The following SMYD3 variants were observed in gnomAD, a reference collection of about 807,000 sequenced individuals.
The protein encoded by SMYD3 is SET and MYND domain containing 3, also known as histone-lysine N-methyltransferase SMYD3.
SMYD3 carries 36 observed loss-of-function variants against 57.7 expected under a neutral mutation model. The observed-to-expected ratio is 0.62, with a 90% CI of 0.48 to 0.82. SMYD3 has a LOEUF of 0.82. Ranked by LOEUF, SMYD3 falls within the 40% of genes least tolerant of loss-of-function variation. SMYD3 has a pLI of 0.00. For synonymous variants in SMYD3, 211 were observed against 195.0 expected (o/e 1.08, Z -0.68); for missense variants, 515 against 538.8 (o/e 0.96, Z 0.44).
chr1:245,948,387 G>A (rs953437475), intron 5 of SMYD3, among the ~76,000 whole-genome samples: 3 of 152,166 alleles, frequency 2.0e-5, no homozygotes, highest in Non-Finnish European at 2.9e-5. Flanking sequence ...GGACCCTGAA[G>A]AGGCTCCCCA....
intron 5 of SMYD3, among the ~76,000 whole-genome samples, chr1:246,071,324 G>A (rs553670062): frequency 1.3e-5 from 2 of 152,318 alleles, no homozygotes; most frequent in South Asian, 2.1e-4. Context: ...TTCTAGGAAG[G>A]AGGGTAGGAC....
chr1:246,406,905 G>C (rs1269409293), intron 1 of SMYD3, among the ~76,000 whole-genome samples: 1 of 152,184 alleles, frequency 6.6e-6, no homozygotes, highest in Non-Finnish European at 1.5e-5. Context: ...TATTATTATA[G>C]TTTATTTAAT....
chr1:246,371,927 T>C (rs2066199589), intron 1 of SMYD3, among the ~76,000 whole-genome samples: 1 of 152,374 alleles, frequency 6.6e-6, no homozygotes, highest in African/African-American at 2.4e-5. Context: ...CAATTATGTA[T>C]AATACTTTGT....
intron 2 of SMYD3, among the ~76,000 whole-genome samples, chr1:246,345,011 G>C (rs1006700116): frequency 1.3e-5 from 2 of 152,202 alleles, no homozygotes; most frequent in Admixed American, 6.5e-5. Context: ...CAGGGGGAAA[G>C]AGAGGTCTCA....
rs746219350 is a variant in SMYD3 at position 246,355,057 on chromosome 1, C to T, written c.202G>A (p.Ala68Thr). The T allele has an allele frequency of 1.1e-5, 17 of 1,613,920 alleles. No homozygotes were observed. Among genetic ancestry groups the T allele is most frequent in the Middle Eastern group, 1.6e-4 (1 of 6,084 alleles). ...TGACACTTAGCACTACAGTATTTGG[C>T]GACGCGGCACTGAGAGCATCGCATC... ...KLMRCSQCRV[A>T]KYCSAKCQKK... The change falls in exon 2 of 12, where the codon GCC becomes ACC. Residue 68 changes from alanine (A) to threonine (T), a missense_variant. Transcript: ENST00000490107. This position sits in a 1 kb window ranked among gnomAD's most constrained non-coding sequence, Gnocchi z 5.0.
chr1:245,916,639 A>G (rs2055443679), intron 7 of SMYD3, among the ~76,000 whole-genome samples: 1 of 151,988 alleles, frequency 6.6e-6, no homozygotes. Flanking sequence ...CCCAGAATCA[A>G]CCACTTTTTA....
At chr1:245,782,531 G>A (rs2046874409) in intron 10 of SMYD3, among the ~76,000 whole-genome samples, 1 of 152,204 alleles carries the variant, frequency 6.6e-6, no homozygotes, top group African/African-American at 2.4e-5. Context: ...ATGGTCCTGA[G>A]AAGCTGCTGG....
chr1:246,260,878 T>C (rs1022251700), intron 5 of SMYD3, among the ~76,000 whole-genome samples: 9 of 152,138 alleles, frequency 5.9e-5, no homozygotes, highest in Non-Finnish European at 8.8e-5. Context: ...AAATCTTTGT[T>C]GAGAGAGAAA....
In SMYD3 at chr1:246,363,799, T is replaced by C. The variant is rs34335414; in HGVS notation, c.165-8705A>G. ...ACAAACACTGCGGAAGGCCGCAGGGTCCTCTGCCTAGGAAAACCAGAGACC... is the reference window on the plus strand; with the variant it reads ...ACAAACACTGCGGAAGGCCGCAGGGCCCTCTGCCTAGGAAAACCAGAGACC... On this transcript the variant is annotated intron_variant, in intron 1 of 11. Coordinates refer to ENST00000490107, the MANE Select transcript of SMYD3 (RefSeq NM_001167740.2). 3.8e-3 allele frequency among the ~76,000 whole-genome samples: 576 copies of C among 151,954 alleles called. 6 individuals are homozygous for C. The highest frequency in any genetic ancestry group is 2.8e-3 in the Non-Finnish European group (187 of 67,916).
At chr1:246,361,033 T>C (rs1023519130) in intron 1 of SMYD3, among the ~76,000 whole-genome samples, 1 of 151,920 alleles carries the variant, frequency 6.6e-6, no homozygotes, top group East Asian at 1.9e-4. Flanking sequence ...TGGGAGAAAA[T>C]CTTCACAATC....
intron 5 of SMYD3, among the ~76,000 whole-genome samples, chr1:246,204,018 G>C (rs914933537): frequency 6.6e-6 from 1 of 152,172 alleles, no homozygotes; most frequent in Non-Finnish European, 1.5e-5. Flanking sequence ...CCTGCTAAAG[G>C]TGGAGATCAC....
At chr1:246,239,347 G>A (rs1435109452) in intron 5 of SMYD3, among the ~76,000 whole-genome samples, 1 of 152,096 alleles carries the variant, frequency 6.6e-6, no homozygotes, top group African/African-American at 2.4e-5. Flanking sequence ...AACATGTGGT[G>A]TTTGATTTTC....
At chr1:246,395,665 C>CCACCATGGCTGGACAGGGAAGACGAACA (rs1558442865) in intron 1 of SMYD3, among the ~76,000 whole-genome samples, 1 of 81,628 alleles carries the variant, frequency 1.2e-5, no homozygotes, top group African/African-American at 4.0e-5. Context: ...GAAGACGAAC[C>CCACCATGGCTGGACAGGGAAGACGAACA]CACCACAGTC....
At chr1:246,307,494 A>C (rs892842532) in intron 5 of SMYD3, among the ~76,000 whole-genome samples, 43 of 134,218 alleles carry the variant, frequency 3.2e-4, no homozygotes, top group African/African-American at 1.1e-3. Context: ...ATCTCGGCTC[A>C]CTGCAAGCTC....
intron 5 of SMYD3, among the ~76,000 whole-genome samples, chr1:246,005,504 G>A (rs1176524261): frequency 6.6e-6 from 1 of 152,150 alleles, no homozygotes; most frequent in Non-Finnish European, 1.5e-5. Flanking sequence ...TCTCTATAAA[G>A]GGCTACCCAT....
chr1:245,798,320 C>T (rs1247770026), intron 10 of SMYD3, among the ~76,000 whole-genome samples: 5 of 47,894 alleles, frequency 1.0e-4, no homozygotes, highest in Non-Finnish European at 2.4e-4. Flanking sequence ...AGAGCGGCCC[C>T]GGCCCATGGG....
chr1:246,237,769 C>T (rs1053447202), intron 5 of SMYD3, among the ~76,000 whole-genome samples: 10 of 152,098 alleles, frequency 6.6e-5, no homozygotes, highest in African/African-American at 2.2e-4. Context: ...CCATGCCATC[C>T]GTATCGTACT....
intron 1 of SMYD3, among the ~76,000 whole-genome samples, chr1:246,456,656 T>C (rs2067703902): frequency 6.6e-6 from 1 of 152,234 alleles, no homozygotes; most frequent in South Asian, 2.1e-4. Context: ...ATTTTCCCCA[T>C]AAGACTGTTT....
intron 5 of SMYD3, among the ~76,000 whole-genome samples, chr1:246,308,360 T>G (rs975711195): frequency 6.6e-6 from 1 of 152,148 alleles, no homozygotes; most frequent in Non-Finnish European, 1.5e-5. Flanking sequence ...CCCACTGCTT[T>G]GTTTTGGCCC....
Sources: gnomAD v4.1 joint callset for allele counts (sites outside exome capture counted in the v4.1 genomes callset) on GRCh38, gnomAD v4.1.1 for gene constraint, Gnocchi (gnomAD v3.1) non-coding constraint, MANE v1.5 for transcripts, NCBI Gene and HGNC (gene_info 2026-07-23, HGNC 2026-07-21) for gene names.